The following CHRD variants were observed in gnomAD, a reference collection of about 807,000 sequenced individuals.
The protein encoded by CHRD is chordin.
In CHRD, 69 loss-of-function variants were observed where a neutral mutation model predicts 113.7. The observed-to-expected ratio is 0.61, with a 90% confidence interval of 0.50 to 0.74. CHRD has a LOEUF of 0.74. Ranked by LOEUF, CHRD falls within the 30% of genes least tolerant of loss-of-function variation. CHRD has a pLI of 0.00. For missense variants in CHRD, 1,194 were observed against 1,295.8 expected (o/e 0.92, Z 1.21); for synonymous variants, 561 against 540.8 (o/e 1.04, Z -0.52).
exon 10 of CHRD, chr3:184,383,046 C>G: frequency 6.2e-7 from 1 of 1,612,314 alleles, no homozygotes; most frequent in Non-Finnish European, 8.5e-7. Flanking sequence ...GCTGCCCAAC[C>G]TGACAGTCCA....
chr3:184,382,711 GAC>G lies in CHRD; in HGVS notation c.923_924del (p.Thr308ArgfsTer53). 1 of 1,613,928 alleles carries G rather than the reference GAC, an allele frequency of 6.2e-7. No homozygotes were observed. Among genetic ancestry groups the G allele is most frequent in the Non-Finnish European group, 8.5e-7 (1 of 1,179,942 alleles). On this transcript the variant is annotated frameshift_variant, in exon 8 of 23. Transcript: ENST00000204604. LOFTEE classifies it high-confidence loss of function. ...GGGCATCACCCTGCTCACTCTCAGT[GAC>G]ACAGAGGACTCCTTGCATTTTTTGC...
In CHRD at chr3:184,380,759, C is replaced by A. The variant is rs1715207276; in HGVS notation, c.216C>A (p.Phe72Leu). 2 of 1,599,680 alleles carry A rather than the reference C, an allele frequency of 1.3e-6. No homozygotes were observed. The highest frequency in any genetic ancestry group is 1.3e-5 in the African/African-American group (1 of 74,282). Residue 72 changes from phenylalanine to leucine, a missense_variant, in exon 2 of 23, where the codon TTC becomes TTA. Physicochemically the swap from Phe to Leu is conservative, Grantham distance 22. Transcript: ENST00000204604. The surrounding 1 kb of genome is among the most constrained non-coding windows in gnomAD (Gnocchi z 6.3). The stretch of plus-strand genomic sequence containing the variant: ...GGCACCCGGACCTAGGGGAGCCATT[C>A]GGGGTGATGCGCTGCGTGCTGTGCG...
At chr3:184,383,159 C>T (rs754139505) in exon 10 of CHRD, 18 of 1,582,116 alleles carry the variant, frequency 1.1e-5, no homozygotes, top group East Asian at 4.5e-5. Flanking sequence ...GGAAGAGCTG[C>T]GACGGTGAGG....
chr3:184,380,293 T>A lies in CHRD; in HGVS notation c.-26T>A. ...CCGCTCCCGCGCCCTCCTCCCTCCC[T>A]CCTCCCCAGCTGTCCCGTTCGCGTC... is the stretch of plus-strand genomic sequence containing the variant. On this transcript the variant is annotated 5_prime_UTR_variant, in exon 1 of 23. Coordinates refer to ENST00000204604, the Ensembl canonical transcript of CHRD. This position sits in a 1 kb window ranked among gnomAD's most constrained non-coding sequence, Gnocchi z 6.3. 2.1e-6 allele frequency: 2 copies of A among 936,166 alleles called. No homozygotes were observed. Among genetic ancestry groups the A allele is most frequent in the Non-Finnish European group, 1.3e-6 (1 of 761,782 alleles). The allele number at this position is 936,166 out of a possible 1,614,324, so 58.0% of individuals were successfully genotyped here. A position where few individuals can be genotyped will look rare whatever the true frequency, so the allele number is the denominator to read the frequency against.
At chr3:184,382,101 T>C in intron 6 of CHRD, 81 bp downstream of exon 6, 1 of 1,561,152 alleles carries the variant, frequency 6.4e-7, no homozygotes, top group Non-Finnish European at 8.8e-7. Flanking sequence ...CCCGTGGTCC[T>C]CACCACAGCC....
chr3:184,380,841 G>T lies in CHRD; in HGVS notation c.252+46G>T. On this transcript the variant is annotated intron_variant, in intron 2 of 22. Transcript: ENST00000204604. The surrounding 1 kb of genome is among the most constrained non-coding windows in gnomAD (Gnocchi z 6.3). ...GCCCGGGCCCTGGCGGGTGGGGAGC[G>T]CCGGGTCGCGCGGGCGTCGGAGTGG... 1 of 1,429,146 alleles carries T rather than the reference G, an allele frequency of 7.0e-7. No homozygotes were observed. The highest frequency in any genetic ancestry group is 9.4e-7 in the Non-Finnish European group (1 of 1,067,044). The allele number at this position is 1,429,146 out of a possible 1,614,324, so 88.5% of individuals were successfully genotyped here.
At position 184,380,342 on chromosome 3, in the gene CHRD, G is replaced by C. The variant is rs1715087686; in HGVS notation, c.24G>C (p.Pro8=). Residue 8 remains proline, a synonymous_variant, in exon 1 of 23, where the codon CCG becomes CCC. Coordinates refer to ENST00000204604, the Ensembl canonical transcript of CHRD. The surrounding 1 kb of genome is among the most constrained non-coding windows in gnomAD (Gnocchi z 6.3). ...TCATGCCGAGCCTCCCGGCCCCGCC[G>C]GCCCCGCTGCTGCTCCTCGGGCTGC... 1 of 1,316,344 alleles carries C rather than the reference G, an allele frequency of 7.6e-7. No individual in the cohort carries two copies. The highest frequency in any genetic ancestry group is 9.8e-7 in the Non-Finnish European group (1 of 1,019,416). The allele number at this position is 1,316,344 out of a possible 1,614,324, so 81.5% of individuals were successfully genotyped here.
chr3:184,383,079 G>A (rs749616265), exon 10 of CHRD: 45 of 1,611,290 alleles, frequency 2.8e-5, no homozygotes, highest in Non-Finnish European at 3.6e-5. Flanking sequence ...GCTGGTGCTG[G>A]GGGAGCTGCA....
At chr3:184,383,318 A>G in exon 11 of CHRD, 1 of 1,613,472 alleles carries the variant, frequency 6.2e-7, no homozygotes, top group Admixed American at 1.7e-5. Flanking sequence ...GTAGTCCTGC[A>G]AAGTGTCCTT....
rs763515621 is a variant in CHRD at position 184,381,536 on chromosome 3, C to T, written c.423C>T (p.Phe141=). Residue 141 remains phenylalanine, a synonymous_variant, in exon 4 of 23, where the codon TTC becomes TTT. Coordinates refer to ENST00000204604, the Ensembl canonical transcript of CHRD. The surrounding 1 kb of genome is among the most constrained non-coding windows in gnomAD (Gnocchi z 4.7). ...AGCGGCAGCCGAGCGGCCTGTCCTT[C>T]GAGTATCCGCGGGACCCGGAGCATC... 2.5e-6 allele frequency: 4 copies of T among 1,607,086 alleles called. No individual in the cohort carries two copies. The highest frequency in any genetic ancestry group is 8.5e-7 in the Non-Finnish European group (1 of 1,177,470).
chr3:184,381,674 G>A lies in CHRD; in HGVS notation c.512-42G>A. On this transcript the variant is annotated intron_variant, in intron 4 of 22. Transcript: ENST00000204604. This position sits in a 1 kb window ranked among gnomAD's most constrained non-coding sequence, Gnocchi z 4.7. ...TTGTGGTTGAGGCTGGGCCACCAAAGCGGCGTTTGACAGTGCTCAGGCCAT... is the reference window on the plus strand; with the variant it reads ...TTGTGGTTGAGGCTGGGCCACCAAAACGGCGTTTGACAGTGCTCAGGCCAT... 6.2e-7 allele frequency: 1 copy of A among 1,606,788 alleles called. No homozygotes were observed. The highest frequency in any genetic ancestry group is 8.5e-7 in the Non-Finnish European group (1 of 1,176,214).
chr3:184,383,361 G>T (rs1715774325), exon 11 of CHRD: 5 of 1,613,952 alleles, frequency 3.1e-6, no homozygotes, highest in Non-Finnish European at 4.2e-6. Flanking sequence ...CAGTCCAGAC[G>T]GGTGCTGCCG....
rs1422146350 is a variant in CHRD at position 184,381,238 on chromosome 3, C to G, written c.256C>G (p.Gln86Glu). 1 of 1,613,170 alleles carries G rather than the reference C, an allele frequency of 6.2e-7. No homozygotes were observed. Among genetic ancestry groups the G allele is most frequent in the Non-Finnish European group, 8.5e-7 (1 of 1,179,986 alleles). Residue 86 changes from glutamine to glutamate, a missense_variant, in exon 3 of 23, where the codon CAG becomes GAG. Gln to Glu is a conservative substitution (Grantham distance 29, BLOSUM62 2). Transcript: ENST00000204604. The surrounding 1 kb of genome is among the most constrained non-coding windows in gnomAD (Gnocchi z 4.7). ...TTCCCGCCTTTTCCGGGAGCAGCCT[C>G]AGTGGGGTCGCCGTACCAGGGGCCC...
intron 12 of CHRD, 90 bp downstream of exon 12, chr3:184,383,732 CA>C: frequency 7.8e-7 from 1 of 1,274,766 alleles, no homozygotes; most frequent in Non-Finnish European, 1.1e-6. Flanking sequence ...CATTATCATC[CA>C]CTCACTCATG....
chr3:184,384,437 G>A lies in CHRD; in HGVS notation c.1441-100G>A. 7.6e-7 allele frequency: 1 copy of A among 1,308,076 alleles called. No homozygotes were observed. Among genetic ancestry groups the A allele is most frequent in the Non-Finnish European group, 9.9e-7 (1 of 1,011,582 alleles). 81.0% of individuals were successfully genotyped at this position (1,308,076 alleles called of 1,614,324 possible). On this transcript the variant is annotated intron_variant, in intron 12 of 22. Coordinates refer to ENST00000204604, the Ensembl canonical transcript of CHRD. This position sits in a 1 kb window ranked among gnomAD's most constrained non-coding sequence, Gnocchi z 4.4. ...TCCTTATCCTGTGTTTCTGGTGTGT[G>A]GAAGTGTGTGTGGGTGGAGTGGGGG...
intron 22 of CHRD, 151 bp from the exon 23 acceptor site, chr3:184,389,216 T>C (rs963866394): frequency 1.3e-5 from 9 of 699,020 alleles, no homozygotes; most frequent in Non-Finnish European, 1.7e-5. Flanking sequence ...AGCAACGAGA[T>C]GAAGGTCACC....
chr3:184,381,165 C>A lies in CHRD; in HGVS notation c.253-70C>A. The A allele has an allele frequency of 6.3e-7, 1 of 1,583,142 alleles. No individual in the cohort carries two copies. The highest frequency in any genetic ancestry group is 1.1e-5 in the South Asian group (1 of 90,496). On this transcript the variant is annotated intron_variant, in intron 2 of 22. Coordinates refer to ENST00000204604, the Ensembl canonical transcript of CHRD. The surrounding 1 kb of genome is among the most constrained non-coding windows in gnomAD (Gnocchi z 4.7). ...AGAGCTGGCTGACTCTGCGGGACAT[C>A]CTTGCCTGGGGGGGTCTCATCAGTT...
At chr3:184,385,558 C>T (rs1716142129) in intron 14 of CHRD, among the ~76,000 whole-genome samples, 1 of 150,818 alleles carries the variant, frequency 6.6e-6, no homozygotes, top group Non-Finnish European at 1.5e-5. Context: ...CCCAGCTACT[C>T]CAGAGGCTGA....
Position 184,384,612 on chromosome 3 carries a change from G to A in CHRD, c.1516G>A (p.Gly506Ser). 6.2e-7 allele frequency: 1 copy of A among 1,609,944 alleles called. No homozygotes were observed. Among genetic ancestry groups the A allele is most frequent in the Non-Finnish European group, 8.5e-7 (1 of 1,178,112 alleles). The change falls in exon 13 of 23, where the codon GGC (glycine) becomes AGC (serine). Residue 506 changes from glycine to serine, a missense_variant. Coordinates refer to ENST00000204604, the Ensembl canonical transcript of CHRD. The surrounding 1 kb of genome is among the most constrained non-coding windows in gnomAD (Gnocchi z 4.4). ...GCAGAATGAGCTCTTCCTGAACGTG[G>A]GCACCAAGGACTTCCCAGACGGAGA...
Sources: allele counts gnomAD v4.1 joint callset (sites outside exome capture counted in the v4.1 genomes callset), GRCh38; gene constraint gnomAD v4.1.1; non-coding constraint Gnocchi (gnomAD v3.1); transcripts MANE v1.5; gene names NCBI Gene and HGNC (gene_info 2026-07-23, HGNC 2026-07-21).